Variants in GRIN2A observed in about 807,000 individuals in gnomAD.
GRIN2A encodes glutamate ionotropic receptor NMDA type subunit 2A, also known as glutamate receptor ionotropic, NMDA 2A.
A neutral mutation model predicts 113.4 loss-of-function variants in GRIN2A; 22 were observed. That is an observed-to-expected ratio of 0.19 (90% CI 0.14 to 0.28). GRIN2A has a LOEUF of 0.28. Among genes scored for constraint, GRIN2A ranks in the 10% least tolerant of loss-of-function variants. The probability of loss-of-function intolerance (pLI) is 1.00; values close to 1 mark genes in which losing one functional copy is unlikely to be tolerated. For synonymous variants in GRIN2A, 827 were observed against 738.4 expected (o/e 1.12, Z -1.94); for missense variants, 1,502 against 1,887.0 (o/e 0.80, Z 3.78).
intron 2 of GRIN2A, among the ~76,000 whole-genome samples, chr16:9,991,568 G>C (rs973062683): frequency 2.0e-5 from 3 of 151,916 alleles, no homozygotes; most frequent in Non-Finnish European, 4.4e-5. Context: ...CCTCACCTTC[G>C]AGTCTCCAGT....
chr16:9,788,905 G>A lies in GRIN2A; in HGVS notation c.2356+9372C>T, dbSNP rs1162305797. Among the ~76,000 whole-genome samples, 11 of 151,872 alleles carry A rather than the reference G, an allele frequency of 7.2e-5. No individual in the cohort carries two copies. The East Asian group carries it at 2.1e-3, about 29-fold the overall frequency. On this transcript the variant is annotated intron_variant, in intron 11 of 12. Transcript: ENST00000330684. Reference sequence around the variant, plus strand: ...CTACAGGCACCCACCACCACACCTGGCTAATTTTTGTATTTTTTAGTAGAG... The same window carrying A: ...CTACAGGCACCCACCACCACACCTGACTAATTTTTGTATTTTTTAGTAGAG...
At chr16:10,062,877 A>C (rs1024345001) in intron 2 of GRIN2A, among the ~76,000 whole-genome samples, 1 of 151,580 alleles carries the variant, frequency 6.6e-6, no homozygotes, top group Non-Finnish European at 1.5e-5. Flanking sequence ...AAAAAAAAAA[A>C]GAAGAAGAAA....
intron 2 of GRIN2A, among the ~76,000 whole-genome samples, chr16:10,125,699 C>G (rs192069005): frequency 1.3e-5 from 2 of 151,482 alleles, no homozygotes; most frequent in Non-Finnish European, 2.9e-5. Flanking sequence ...CCCAGGCCTA[C>G]AGGAGGCTGG....
chr16:9,938,990 C>T (rs1028543304), intron 2 of GRIN2A, among the ~76,000 whole-genome samples: 8 of 152,106 alleles, frequency 5.3e-5, no homozygotes, highest in East Asian at 1.9e-4. Flanking sequence ...AAGTATGAAG[C>T]CATTTCTCCT....
intron 3 of GRIN2A, among the ~76,000 whole-genome samples, chr16:9,929,687 A>G (rs988825185): frequency 2.0e-5 from 3 of 152,158 alleles, no homozygotes; most frequent in African/African-American, 7.2e-5. Context: ...TTTTTTCACA[A>G]AAGAGAGTGG....
intron 2 of GRIN2A, among the ~76,000 whole-genome samples, chr16:10,141,602 T>A (rs1404975194): frequency 6.6e-6 from 1 of 152,236 alleles, no homozygotes; most frequent in East Asian, 1.9e-4. Context: ...GGAAGATTCC[T>A]GCTCTTTTCA....
chr16:9,822,977 A>C (rs895542424), intron 9 of GRIN2A, among the ~76,000 whole-genome samples: 2 of 152,206 alleles, frequency 1.3e-5, no homozygotes, highest in African/African-American at 4.8e-5. Flanking sequence ...TCACTCCTGC[A>C]GGCACTATTT....
At chr16:10,068,045 A>T (rs977754228) in intron 2 of GRIN2A, among the ~76,000 whole-genome samples, 5 of 152,238 alleles carry the variant, frequency 3.3e-5, no homozygotes, top group Admixed American at 2.0e-4. Flanking sequence ...GGGATAGATG[A>T]GATGAGATGG....
intron 3 of GRIN2A, among the ~76,000 whole-genome samples, chr16:9,899,648 A>T (rs139055352): frequency 1.7e-3 from 260 of 152,212 alleles, no homozygotes; most frequent in African/African-American, 6.1e-3. Context: ...TGGCTGAGCA[A>T]TACTGAATTT....
At chr16:9,920,477 A>G (rs145609673) in intron 3 of GRIN2A, among the ~76,000 whole-genome samples, 96 of 152,320 alleles carry the variant, frequency 6.3e-4, no homozygotes, top group African/African-American at 2.1e-3. Flanking sequence ...GCTAAGAAGT[A>G]TGATGGATCC....
chr16:10,154,011 C>T (rs984556257), intron 2 of GRIN2A, among the ~76,000 whole-genome samples: 11 of 152,178 alleles, frequency 7.2e-5, no homozygotes, highest in African/African-American at 2.7e-4. Flanking sequence ...GAGAGGGTTC[C>T]TGTGCATTCA....
chr16:10,129,481 G>A (rs1008534044), intron 2 of GRIN2A, among the ~76,000 whole-genome samples: 2 of 152,158 alleles, frequency 1.3e-5, no homozygotes, highest in Admixed American at 6.5e-5. Flanking sequence ...ACTTGAACTT[G>A]GATGATCATG....
chr16:10,083,020 G>A (rs564943694), intron 2 of GRIN2A, among the ~76,000 whole-genome samples: 1 of 152,270 alleles, frequency 6.6e-6, no homozygotes, highest in East Asian at 1.9e-4. Flanking sequence ...ACTTCCTCTA[G>A]AAGTTAGGGA....
At chr16:9,780,867 T>C (rs143171789) in intron 11 of GRIN2A, among the ~76,000 whole-genome samples, 47 of 152,332 alleles carry the variant, frequency 3.1e-4, no homozygotes, top group African/African-American at 1.1e-3. Context: ...GTGATATTTC[T>C]TTACAAAAAG....
At chr16:9,966,883 T>C (rs1205827994) in intron 2 of GRIN2A, among the ~76,000 whole-genome samples, 3 of 152,348 alleles carry the variant, frequency 2.0e-5, no homozygotes, top group East Asian at 1.9e-4. Context: ...ATAGTGATGA[T>C]GCTGGTCCAG....
intron 10 of GRIN2A, among the ~76,000 whole-genome samples, chr16:9,799,420 G>C (rs970878766): frequency 6.6e-6 from 1 of 152,188 alleles, no homozygotes; most frequent in Non-Finnish European, 1.5e-5. Flanking sequence ...CGGTGGAAGC[G>C]TGGTCCTGCA....
intron 3 of GRIN2A, among the ~76,000 whole-genome samples, chr16:9,933,564 GC>G (rs1413864830): frequency 1.3e-5 from 2 of 152,172 alleles, no homozygotes; most frequent in African/African-American, 4.8e-5. Context: ...TTTATCAGAT[GC>G]TTTGCAGAGT....
At chr16:10,037,722 C>T (rs999692067) in intron 2 of GRIN2A, among the ~76,000 whole-genome samples, 20 of 152,104 alleles carry the variant, frequency 1.3e-4, no homozygotes, top group Non-Finnish European at 1.6e-4. Context: ...ACCTCCTGGA[C>T]TCAGGTGATC....
intron 3 of GRIN2A, among the ~76,000 whole-genome samples, chr16:9,916,881 C>T (rs1051273475): frequency 6.6e-6 from 1 of 152,174 alleles, no homozygotes; most frequent in Non-Finnish European, 1.5e-5. Context: ...GATGAGCATC[C>T]TTTTGGCAGC....
Sources: gnomAD v4.1 joint callset for allele counts (sites outside exome capture counted in the v4.1 genomes callset) on GRCh38, gnomAD v4.1.1 for gene constraint, MANE v1.5 for transcripts, NCBI Gene and HGNC (gene_info 2026-07-23, HGNC 2026-07-21) for gene names.